TGFBI: variants seen among roughly 807,000 people sequenced by gnomAD.
TGFBI encodes transforming growth factor-beta-induced protein ig-h3.
A neutral mutation model predicts 73.7 loss-of-function variants in TGFBI; 50 were observed. That is an observed-to-expected ratio of 0.68 (90% CI 0.54 to 0.86). TGFBI has a LOEUF of 0.86. Among genes scored for constraint, TGFBI ranks in the 40% least tolerant of loss-of-function variants. TGFBI has a pLI of 0.00. For synonymous variants in TGFBI, 362 were observed against 360.5 expected, an observed-to-expected ratio of 1.00 and a Z score of -0.05; for missense variants, 839 against 877.0, an observed-to-expected ratio of 0.96 and a Z score of 0.55.
intron 3 of TGFBI, chr5:136,044,953 G>A (rs1751401813): frequency 6.6e-6 from 1 of 152,098 alleles, no homozygotes; most frequent in Admixed American, 6.5e-5. Flanking sequence ...CAAATATAAT[G>A]TAAATCCTAT....
intron 2 of TGFBI, among the ~76,000 whole-genome samples, chr5:136,034,573 C>T (rs1440618691): frequency 1.3e-5 from 2 of 151,492 alleles, no homozygotes; most frequent in Non-Finnish European, 2.9e-5. Context: ...AAATCTAGAC[C>T]ACACAAGCAG....
At chr5:136,060,526 C>T (rs41298962) in intron 13 of TGFBI, among the ~76,000 whole-genome samples, 9 of 152,134 alleles carry the variant, frequency 5.9e-5, no homozygotes, top group South Asian at 4.1e-4. Context: ...GCCTGGCCAA[C>T]GTGGTGAAAC....
chr5:136,046,123 GT>G (rs1751421621), intron 3 of TGFBI: 2 of 500,520 alleles, frequency 4.0e-6, no homozygotes, highest in Non-Finnish European at 7.0e-6. Context: ...AATTAGTTGA[GT>G]TCACGTAGAC....
At chr5:136,051,259 G>C (rs765335492) in intron 7 of TGFBI, among the ~76,000 whole-genome samples, 1 of 152,066 alleles carries the variant, frequency 6.6e-6, no homozygotes, top group African/African-American at 2.4e-5. Flanking sequence ...GTAAAACCCC[G>C]TCTCTACTAA....
chr5:136,062,189 G>A (rs1751760854), intron 15 of TGFBI, among the ~76,000 whole-genome samples: 1 of 152,138 alleles, frequency 6.6e-6, no homozygotes, highest in South Asian at 2.1e-4. Flanking sequence ...GGGTCAGGTG[G>A]AGCCTCTTGG....
intron 8 of TGFBI, among the ~76,000 whole-genome samples, chr5:136,053,323 G>A (rs1480185978): frequency 2.6e-5 from 4 of 152,276 alleles, no homozygotes; most frequent in Admixed American, 6.5e-5. Flanking sequence ...CAGTGGAGAG[G>A]CAGTGGGGAG....
chr5:136,042,193 T>C (rs1436077397), intron 2 of TGFBI, among the ~76,000 whole-genome samples: 1 of 152,206 alleles, frequency 6.6e-6, no homozygotes, highest in Non-Finnish European at 1.5e-5. Context: ...GCATCCCTAG[T>C]CCTATGGGTT....
In TGFBI at chr5:136,029,029, C is replaced by T; in HGVS notation, c.-27C>T. 1 of 1,517,108 alleles carries T rather than the reference C, an allele frequency of 6.6e-7. No homozygotes were observed. Among genetic ancestry groups the T allele is most frequent in the Non-Finnish European group, 8.8e-7 (1 of 1,139,626 alleles). The allele number at this position is 1,517,108 out of a possible 1,614,324, so 94.0% of individuals were successfully genotyped here. Reference sequence around the variant, plus strand: ...CGCCCGCTTGCCCGTCGGTCGCTAGCTCGCTCGGTGCGCGTCGTCCCGCTC... The same window carrying T: ...CGCCCGCTTGCCCGTCGGTCGCTAGTTCGCTCGGTGCGCGTCGTCCCGCTC... On this transcript the variant is annotated 5_prime_UTR_variant, in exon 1 of 17. Transcript: ENST00000442011.
intron 7 of TGFBI, among the ~76,000 whole-genome samples, chr5:136,052,176 C>T (rs1247101795): frequency 1.3e-5 from 2 of 152,216 alleles, no homozygotes; most frequent in African/African-American, 4.8e-5. Flanking sequence ...GGGTCAGGAG[C>T]CCCCTTTGGG....
rs555380830 is a variant in TGFBI, at chr5:136,036,393, AT to A, written c.233+2535del. ...GAGAAAATGAAGATAGAAAAATATTATTTGATATAAAACTTCTAGGACAAGA... is the reference window on the plus strand; with the variant it reads ...GAGAAAATGAAGATAGAAAAATATTATTGATATAAAACTTCTAGGACAAGA... On this transcript the variant is annotated intron_variant, in intron 2 of 16. Coordinates refer to ENST00000442011, the MANE Select transcript of TGFBI (RefSeq NM_000358.3). Among the ~76,000 whole-genome samples the A allele has an allele frequency of 1.3e-3, 204 of 152,350 alleles. 1 individual carries two copies. Among genetic ancestry groups the A allele is most frequent in the African/African-American group, 4.5e-3 (186 of 41,582 alleles).
chr5:136,054,860 A>G lies in TGFBI; in HGVS notation c.1409A>G (p.Asn470Ser). 3 of 1,613,616 alleles carry G rather than the reference A, an allele frequency of 1.9e-6. No individual in the cohort carries two copies. The highest frequency in any genetic ancestry group is 1.7e-6 in the Non-Finnish European group (2 of 1,179,660). ...AAACTGAGAGTTTTTGTTTATCGTA[A>G]TGTAAGTTCTGGGTCCTAAATCATG... ...GKKLRVFVYR[N>S]SLCIENSCIA... Residue 470 changes from asparagine (N) to serine (S), a missense_variant and splice_region_variant, in exon 10 of 17, where the codon AAT (asparagine) becomes AGT (serine). Transcript: ENST00000442011.
Position 136,046,881 on chromosome 5 carries a change from A to G in TGFBI, c.490A>G (p.Asn164Asp). ...GCTGGACTCCCTGGTCAGCAATGTC[A>G]ACATTGAGCTGCTCAATGCCCTCCG... ...EVLDSLVSNV[N>D]IELLNALRYH... is the part of the protein sequence containing the mutation. The change falls in exon 5 of 17, where the codon AAC (asparagine) becomes GAC (aspartate). Residue 164 changes from asparagine (N) to aspartate (D), a missense_variant. Transcript: ENST00000442011. 1 of 1,613,684 alleles carries G rather than the reference A, an allele frequency of 6.2e-7. No homozygotes were observed. Among genetic ancestry groups the G allele is most frequent in the Non-Finnish European group, 8.5e-7 (1 of 1,179,812 alleles).
intron 2 of TGFBI, among the ~76,000 whole-genome samples, chr5:136,040,617 C>T (rs1478060629): frequency 6.6e-6 from 1 of 152,204 alleles, no homozygotes; most frequent in East Asian, 1.9e-4. Flanking sequence ...GGTTGGGGAC[C>T]GCTGTCCTAA....
intron 12 of TGFBI, 158 bp from the exon 13 acceptor site, chr5:136,058,932 G>A (rs1465294523): frequency 2.0e-5 from 17 of 862,288 alleles, no homozygotes; most frequent in African/African-American, 1.7e-4. Context: ...GGGTCACAAC[G>A]TTGAGTATAC....
rs773202924 is a variant in TGFBI at position 136,049,529 on chromosome 5, A to C, written c.862A>C (p.Ile288Leu). 6.2e-7 allele frequency: 1 copy of C among 1,613,946 alleles called. No homozygotes were observed. Among genetic ancestry groups the C allele is most frequent in the Admixed American group, 1.7e-5 (1 of 60,014 alleles). ...CCCGACCAATGAGGCCTTCGAGAAG[A>C]TCCCTAGTGAGACTTTGAACCGTAT... Reference protein sequence around the residue: ...LAPTNEAFEKIPSETLNRILG... With the variant: ...LAPTNEAFEKLPSETLNRILG... The change falls in exon 7 of 17, where the codon ATC (isoleucine) becomes CTC (leucine). Residue 288 changes from isoleucine to leucine, a missense_variant. Transcript: ENST00000442011.
chr5:136,046,218 A>G lies in TGFBI; in HGVS notation c.299-117A>G, dbSNP rs1486864744. On this transcript the variant is annotated intron_variant, in intron 3 of 16. Transcript: ENST00000442011. ...AAACAGCCTGTCTTTGGGCTTTCCC[A>G]CATGCCTCCTCGTCCTCTCCACCTG... is the stretch of plus-strand genomic sequence containing the variant. 3.4e-5 allele frequency: 43 copies of G among 1,271,540 alleles called. No homozygotes were observed. In the East Asian group the frequency reaches 1.1e-3, roughly 31 times the overall value. 78.8% of individuals were successfully genotyped at this position (1,271,540 alleles called of 1,614,324 possible). A position where few individuals can be genotyped will look rare whatever the true frequency, so the allele number is the denominator to read the frequency against.
At position 136,063,517 on chromosome 5, in the gene TGFBI, C is replaced by T; in HGVS notation, c.*291C>T. On this transcript the variant is annotated 3_prime_UTR_variant, in exon 17 of 17. Transcript: ENST00000442011. ...CCTATCCCAAATGTGGAATTGACTG[C>T]CTATGCCAAGTCCCTGGAAAAGGAG... 2.5e-6 allele frequency: 1 copy of T among 396,646 alleles called. No homozygotes were observed. The highest frequency in any genetic ancestry group is 4.6e-6 in the Non-Finnish European group (1 of 217,172). The allele number at this position is 396,646 out of a possible 1,614,324, so 24.6% of individuals were successfully genotyped here.
intron 7 of TGFBI, 56 bp from the exon 8 acceptor site, chr5:136,052,851 C>A: frequency 1.3e-6 from 2 of 1,553,450 alleles, no homozygotes; most frequent in South Asian, 1.2e-5. Flanking sequence ...TGCAAGTGGT[C>A]CCTGAGGTTA....
intron 5 of TGFBI, 21 bp downstream of exon 5, chr5:136,047,036 C>T (rs1395977661): frequency 1.2e-6 from 2 of 1,608,390 alleles, no homozygotes; most frequent in Non-Finnish European, 1.7e-6. Flanking sequence ...CCCAGCCATA[C>T]TGCATGGCCC....
Sources: allele counts gnomAD v4.1 joint callset (sites outside exome capture counted in the v4.1 genomes callset), GRCh38; gene constraint gnomAD v4.1.1; transcripts MANE v1.5; gene names NCBI Gene and HGNC (gene_info 2026-07-23, HGNC 2026-07-21).